CDH18: variants seen among roughly 807,000 people sequenced by gnomAD.
The protein encoded by CDH18 is cadherin 18.
A neutral mutation model predicts 67.9 loss-of-function variants in CDH18; 31 were observed. That is an observed-to-expected ratio of 0.46 (90% CI 0.34 to 0.62). CDH18 has a LOEUF of 0.62. Ranked by LOEUF, CDH18 falls within the 20% of genes least tolerant of loss-of-function variation. The probability of loss-of-function intolerance (pLI) is 0.01; values close to 1 mark genes in which losing one functional copy is unlikely to be tolerated. For synonymous variants in CDH18, 362 were observed against 347.2 expected, an observed-to-expected ratio of 1.04 and a Z score of -0.48; for missense variants, 890 against 975.5, an observed-to-expected ratio of 0.91 and a Z score of 1.17.
chr5:19,935,993 C>T (rs1794217439), intron 2 of CDH18, among the ~76,000 whole-genome samples: 1 of 150,940 alleles, frequency 6.6e-6, no homozygotes, highest in Non-Finnish European at 1.5e-5. Flanking sequence ...CTGTAGATCA[C>T]ATATAGGAAG....
chr5:19,994,306 CATATATGTATACATATATACAT>C (rs1800158075), intron 2 of CDH18, among the ~76,000 whole-genome samples: 3 of 149,298 alleles, frequency 2.0e-5, no homozygotes, highest in African/African-American at 7.3e-5. Context: ...CATATATACA[CATATATGTATACATATATACAT>C]ATATTTATAC....
Position 19,612,504 on chromosome 5 carries a change from C to A in CDH18, c.741G>T (p.Gly247=), listed in dbSNP as rs781531788. Reference sequence around the variant, plus strand: ...TGTTGACTGTTGTAGATCCTGAAAGCCCTCCAACTTGCCCAGCCATGTCTT... The same window carrying A: ...TGTTGACTGTTGTAGATCCTGAAAGACCTCCAACTTGCCCAGCCATGTCTT... ...QAKDMAGQVG[G]LSGSTTVNIT... is the part of the protein sequence containing the mutation. The change falls in exon 6 of 13, where the codon GGG becomes GGT. Residue 247 remains glycine, a synonymous_variant. Transcript: ENST00000382275. The A allele has an allele frequency of 2.5e-6, 4 of 1,613,828 alleles. No homozygotes were observed. In the South Asian group the frequency reaches 4.4e-5, roughly 18 times the overall value.
At chr5:20,492,173 A>G (rs1328156242) in intron 1 of CDH18, among the ~76,000 whole-genome samples, 1 of 151,764 alleles carries the variant, frequency 6.6e-6, no homozygotes, top group Non-Finnish European at 1.5e-5. Flanking sequence ...TTAAGTAGTA[A>G]CATTGATTTT....
At chr5:20,070,031 C>T (rs1233949447) in intron 2 of CDH18, among the ~76,000 whole-genome samples, 1 of 152,096 alleles carries the variant, frequency 6.6e-6, no homozygotes, top group Admixed American at 6.5e-5. Context: ...CTTCTCACTG[C>T]CCTAGAAATT....
intron 2 of CDH18, among the ~76,000 whole-genome samples, chr5:20,030,080 C>T (rs914312692): frequency 1.3e-5 from 2 of 152,130 alleles, no homozygotes; most frequent in Admixed American, 6.5e-5. Context: ...CAGCCAAAGG[C>T]TTGTCATTAA....
At chr5:20,091,684 C>T (rs1336856344) in intron 2 of CDH18, among the ~76,000 whole-genome samples, 2 of 151,816 alleles carry the variant, frequency 1.3e-5, no homozygotes, top group African/African-American at 2.4e-5. Context: ...TATTATTCTT[C>T]TTATAAAAAT....
intron 3 of CDH18, among the ~76,000 whole-genome samples, chr5:19,814,462 T>C (rs1424864743): frequency 6.6e-6 from 1 of 151,736 alleles, no homozygotes; most frequent in Non-Finnish European, 1.5e-5. Flanking sequence ...GACTGGATGA[T>C]TATTTGTTGG....
intron 1 of CDH18, among the ~76,000 whole-genome samples, chr5:20,470,773 T>C (rs1268997472): frequency 6.6e-6 from 1 of 152,188 alleles, no homozygotes; most frequent in Non-Finnish European, 1.5e-5. Context: ...GCAATAATGA[T>C]GAGCTAGATT....
chr5:20,346,393 A>T (rs1426779205), intron 1 of CDH18, among the ~76,000 whole-genome samples: 2 of 152,210 alleles, frequency 1.3e-5, no homozygotes, highest in Non-Finnish European at 2.9e-5. Flanking sequence ...TGGTGCCTTA[A>T]CAAACCACTC....
At chr5:19,719,318 G>T (rs1005738592) in intron 5 of CDH18, among the ~76,000 whole-genome samples, 1 of 151,940 alleles carries the variant, frequency 6.6e-6, no homozygotes, top group Non-Finnish European at 1.5e-5. Flanking sequence ...ATGCATGTAT[G>T]CCTTTGTGAC....
intron 11 of CDH18, among the ~76,000 whole-genome samples, chr5:19,486,010 T>A (rs1740337374): frequency 6.6e-6 from 1 of 152,118 alleles, no homozygotes. Flanking sequence ...CTAGTGCATT[T>A]TAAGTCCTGA....
chr5:20,266,525 T>C, intron 1 of CDH18, among the ~76,000 whole-genome samples: 1 of 148,610 alleles, frequency 6.7e-6, no homozygotes, highest in Admixed American at 6.8e-5. Flanking sequence ...TGCCTCAGCC[T>C]CCTGAGTAGC....
At chr5:19,510,736 C>T (rs527354408) in intron 10 of CDH18, among the ~76,000 whole-genome samples, 1 of 151,974 alleles carries the variant, frequency 6.6e-6, no homozygotes, top group South Asian at 2.1e-4. Context: ...CTGGAGAGAC[C>T]AGGTGGAGGT....
At chr5:19,978,111 C>T (rs1323742205) in intron 2 of CDH18, among the ~76,000 whole-genome samples, 1 of 151,844 alleles carries the variant, frequency 6.6e-6, no homozygotes, top group Admixed American at 6.6e-5. Context: ...GAATAATTTA[C>T]CTAAGACTGT....
At chr5:19,546,089 G>C (rs1736271970) in intron 8 of CDH18, among the ~76,000 whole-genome samples, 1 of 152,098 alleles carries the variant, frequency 6.6e-6, no homozygotes, top group South Asian at 2.1e-4. Context: ...TAACAACTGG[G>C]GTGAATTCTG....
chr5:20,214,310 C>G (rs147870913), intron 2 of CDH18, among the ~76,000 whole-genome samples: 21 of 152,066 alleles, frequency 1.4e-4, no homozygotes, highest in African/African-American at 4.8e-4. Context: ...TATCAAGCTA[C>G]CAATGACATT....
At chr5:20,299,562 C>T (rs534235587) in intron 1 of CDH18, among the ~76,000 whole-genome samples, 17 of 151,834 alleles carry the variant, frequency 1.1e-4, no homozygotes, top group African/African-American at 3.9e-4. Flanking sequence ...AGTTCGAGAC[C>T]GGCCTGGCCA....
At chr5:19,600,351 TTAAAAA>T (rs906128726) in intron 6 of CDH18, among the ~76,000 whole-genome samples, 5 of 151,606 alleles carry the variant, frequency 3.3e-5, no homozygotes, top group Admixed American at 6.6e-5. Context: ...AGTATAATAA[TTAAAAA>T]TAAAAATAAA....
intron 5 of CDH18, among the ~76,000 whole-genome samples, chr5:19,710,935 A>G (rs970485597): frequency 6.6e-6 from 1 of 152,126 alleles, no homozygotes; most frequent in Non-Finnish European, 1.5e-5. Context: ...TACAGAACTC[A>G]GAAATGAAGC....
Sources: gnomAD v4.1 joint callset for allele counts (sites outside exome capture counted in the v4.1 genomes callset) on GRCh38, gnomAD v4.1.1 for gene constraint, MANE v1.5 for transcripts, NCBI Gene and HGNC (gene_info 2026-07-23, HGNC 2026-07-21) for gene names.